Variants in TFAP2B observed in about 807,000 individuals in gnomAD.
The protein encoded by TFAP2B is transcription factor AP-2-beta.
In TFAP2B, 9 loss-of-function variants were observed where a neutral mutation model predicts 44.3. That is an observed-to-expected ratio of 0.20 (90% CI 0.12 to 0.35). The LOEUF (loss-of-function observed/expected upper bound fraction) is 0.35. Ranked by LOEUF, TFAP2B falls within the 10% of genes least tolerant of loss-of-function variation. TFAP2B has a pLI of 1.00. For synonymous variants in TFAP2B, 270 were observed against 263.8 expected, an observed-to-expected ratio of 1.02 and a Z score of -0.23; for missense variants, 509 against 600.0, an observed-to-expected ratio of 0.85 and a Z score of 1.59.
intron 5 of TFAP2B, among the ~76,000 whole-genome samples, chr6:50,839,502 T>C (rs928517999): frequency 6.6e-6 from 1 of 152,224 alleles, no homozygotes; most frequent in Non-Finnish European, 1.5e-5. Context: ...ATACCTTAGA[T>C]ACTCCAGTTT....
chr6:50,836,406 A>C, intron 4 of TFAP2B, 126 bp downstream of exon 4: 1 of 880,762 alleles, frequency 1.1e-6, no homozygotes. Context: ...GCAGTTGCCT[A>C]GCAACCGGGT....
At chr6:50,819,040 A>G in intron 1 of TFAP2B, 68 bp downstream of exon 1, 5 of 1,384,450 alleles carry the variant, frequency 3.6e-6, no homozygotes, top group Non-Finnish European at 5.1e-6. Context: ...TTGATACCCC[A>G]AATGATATAT....
chr6:50,818,716 A>G (rs1203143788), upstream of TFAP2B: 12 of 617,778 alleles, frequency 1.9e-5, 1 homozygote, highest in Non-Finnish European at 2.0e-5. Context: ...TGTGTGTGCA[A>G]TAATGTTTTT....
intron 1 of TFAP2B, among the ~76,000 whole-genome samples, chr6:50,819,509 A>G (rs1015596848): frequency 7.2e-5 from 11 of 152,204 alleles, no homozygotes; most frequent in African/African-American, 2.4e-4. Flanking sequence ...GGATAGAGCA[A>G]AATAGAAGTC....
upstream of TFAP2B, chr6:50,818,690 G>T: frequency 3.4e-6 from 2 of 590,180 alleles, no homozygotes; most frequent in Non-Finnish European, 6.0e-6. Context: ...TATGTCTGTG[G>T]GTTGCATCTA....
intron 2 of TFAP2B, among the ~76,000 whole-genome samples, chr6:50,825,712 C>A (rs996092159): frequency 2.6e-5 from 4 of 152,090 alleles, no homozygotes; most frequent in African/African-American, 9.7e-5. Flanking sequence ...ATACAGACCA[C>A]AGAGGTAGAG....
intron 4 of TFAP2B, 136 bp downstream of exon 4, chr6:50,836,416 T>C: frequency 1.2e-6 from 1 of 825,170 alleles, no homozygotes; most frequent in East Asian, 2.6e-5. Context: ...AGCAACCGGG[T>C]GGCCGGAGCA....
chr6:50,826,575 G>A (rs901292191), intron 2 of TFAP2B, among the ~76,000 whole-genome samples: 5 of 143,176 alleles, frequency 3.5e-5, no homozygotes, highest in African/African-American at 1.3e-4. Context: ...GAGCGCGCGC[G>A]CGCGCGCGCG....
At chr6:50,833,334 A>G (rs959345547) in intron 3 of TFAP2B, among the ~76,000 whole-genome samples, 6 of 152,186 alleles carry the variant, frequency 3.9e-5, no homozygotes, top group Non-Finnish European at 5.9e-5. Context: ...ATTATGATGG[A>G]GTTATGGATC....
intron 5 of TFAP2B, among the ~76,000 whole-genome samples, chr6:50,839,514 C>G (rs1159477152): frequency 6.6e-6 from 1 of 152,124 alleles, no homozygotes; most frequent in Non-Finnish European, 1.5e-5. Flanking sequence ...CTCCAGTTTT[C>G]TGTAGCTGCT....
Position 50,845,367 on chromosome 6 carries a change from G to A in TFAP2B, c.*1975G>A, listed in dbSNP as rs969759101. 7.2e-5 allele frequency: 11 copies of A among 152,134 alleles called. No individual in the cohort carries two copies. The highest frequency in any genetic ancestry group is 1.3e-4 in the Non-Finnish European group (9 of 68,036). 9.4% of individuals were successfully genotyped at this position (152,134 alleles called of 1,614,324 possible). A position where few individuals can be genotyped will look rare whatever the true frequency, so the allele number is the denominator to read the frequency against. ...CGTTGGGGTTTTAGGAATCTGCTGA[G>A]AGCTTTGCCCATTTTTATTAAAAGA... is the stretch of plus-strand genomic sequence containing the variant. On this transcript the variant is annotated 3_prime_UTR_variant, in exon 7 of 7. Transcript: ENST00000393655.
chr6:50,836,306 CA>C (rs751109057), intron 4 of TFAP2B, 26 bp downstream of exon 4: 18 of 1,589,064 alleles, frequency 1.1e-5, no homozygotes, highest in Non-Finnish European at 1.3e-5. Context: ...AAAACAAAAA[CA>C]AAAACAAAAA....
intron 3 of TFAP2B, among the ~76,000 whole-genome samples, chr6:50,832,685 T>C (rs903142390): frequency 6.6e-6 from 1 of 152,214 alleles, no homozygotes; most frequent in African/African-American, 2.4e-5. Context: ...ATCTATAAGA[T>C]AGGTTCATTT....
intron 1 of TFAP2B, among the ~76,000 whole-genome samples, chr6:50,819,465 A>G (rs1770261714): frequency 6.6e-6 from 1 of 152,124 alleles, no homozygotes; most frequent in African/African-American, 2.4e-5. Context: ...ACAGAGAATT[A>G]GCGGGAAAGA....
intron 2 of TFAP2B, among the ~76,000 whole-genome samples, chr6:50,828,088 G>C (rs1194267822): frequency 6.6e-6 from 1 of 152,116 alleles, no homozygotes; most frequent in African/African-American, 2.4e-5. Context: ...AACGTGTATG[G>C]GCTGTAATGG....
chr6:50,835,113 A>T (rs1762593435), intron 3 of TFAP2B, among the ~76,000 whole-genome samples: 1 of 152,224 alleles, frequency 6.6e-6, no homozygotes, highest in Admixed American at 6.5e-5. Flanking sequence ...TGAATGCACC[A>T]GGGTAGCAGT....
At chr6:50,839,505 T>C (rs2636892) in intron 5 of TFAP2B, among the ~76,000 whole-genome samples, 136,310 of 152,174 alleles carry the variant, frequency 0.9, 61,189 homozygotes, top group East Asian at 1. Context: ...CCTTAGATAC[T>C]CCAGTTTTCT....
intron 1 of TFAP2B, among the ~76,000 whole-genome samples, chr6:50,820,902 T>G (rs1405152814): frequency 2.0e-3 from 202 of 98,590 alleles, no homozygotes; most frequent in East Asian, 4.2e-3. Flanking sequence ...AGGGGTGGAG[T>G]GGAAGGGAGG....
At chr6:50,819,971 A>G (rs1457430042) in intron 1 of TFAP2B, among the ~76,000 whole-genome samples, 2 of 152,140 alleles carry the variant, frequency 1.3e-5, no homozygotes, top group Non-Finnish European at 2.9e-5. Context: ...GGTCTGGGAC[A>G]GCCCCAGGTG....
Sources: allele counts gnomAD v4.1 joint callset (sites outside exome capture counted in the v4.1 genomes callset), GRCh38; gene constraint gnomAD v4.1.1; transcripts MANE v1.5; gene names NCBI Gene and HGNC (gene_info 2026-07-23, HGNC 2026-07-21).